DLG1: variants seen among roughly 807,000 people sequenced by gnomAD.
DLG1 encodes discs large MAGUK scaffold protein 1.
In DLG1, 42 loss-of-function variants were observed where a neutral mutation model predicts 123.4. The ratio of observed to expected loss-of-function variants is 0.34; its 90% confidence interval spans 0.27 to 0.44. The LOEUF (loss-of-function observed/expected upper bound fraction) is 0.44. Among genes scored for constraint, DLG1 ranks in the 20% least tolerant of loss-of-function variants. DLG1 has a pLI of 1.00. For missense variants in DLG1, 942 were observed against 1,082.6 expected (o/e 0.87, Z 1.82); for synonymous variants, 317 against 356.2 (o/e 0.89, Z 1.24).
chr3:197,175,599 ACAG>A (rs1421642060), intron 5 of DLG1, among the ~76,000 whole-genome samples: 5 of 152,218 alleles, frequency 3.3e-5, no homozygotes, highest in Non-Finnish European at 7.3e-5. Context: ...CACTTCGTCA[ACAG>A]CAGATTAAAT....
At chr3:197,123,571 A>G (rs1179040748) in intron 11 of DLG1, among the ~76,000 whole-genome samples, 2 of 152,246 alleles carry the variant, frequency 1.3e-5, no homozygotes, top group East Asian at 3.8e-4. Context: ...ATAACTTTAT[A>G]CATATACATA....
At chr3:197,106,949 C>A (rs1766813990) in intron 13 of DLG1, among the ~76,000 whole-genome samples, 1 of 152,082 alleles carries the variant, frequency 6.6e-6, no homozygotes, top group Non-Finnish European at 1.5e-5. Context: ...GTCTGTGCAA[C>A]CATCATTACC....
chr3:197,275,565 AAC>A (rs1282141467), intron 4 of DLG1, among the ~76,000 whole-genome samples: 2 of 152,246 alleles, frequency 1.3e-5, no homozygotes, highest in Non-Finnish European at 2.9e-5. Flanking sequence ...ATTTAGCCAT[AAC>A]ACAGCATGAA....
chr3:197,228,770 T>C (rs1741278821), intron 4 of DLG1, among the ~76,000 whole-genome samples: 2 of 152,174 alleles, frequency 1.3e-5, no homozygotes, highest in African/African-American at 2.4e-5. Context: ...TTCAGCCAAA[T>C]AGTACCTATC....
chr3:197,196,415 T>C (rs910451553), intron 4 of DLG1, among the ~76,000 whole-genome samples: 8 of 152,164 alleles, frequency 5.3e-5, no homozygotes, highest in African/African-American at 1.9e-4. Context: ...CTTTATCCTG[T>C]AATCAAGGCT....
intron 5 of DLG1, among the ~76,000 whole-genome samples, chr3:197,169,924 C>G (rs1803299342): frequency 6.6e-6 from 1 of 152,156 alleles, no homozygotes; most frequent in Admixed American, 6.5e-5. Flanking sequence ...CTCTCCACCC[C>G]TCACACCGGC....
At chr3:197,202,906 T>TCTAACCA (rs1352768532) in intron 4 of DLG1, among the ~76,000 whole-genome samples, 2 of 151,612 alleles carry the variant, frequency 1.3e-5, no homozygotes, top group African/African-American at 4.8e-5. Context: ...AACGATGCAG[T>TCTAACCA]CTAACCACTG....
At chr3:197,214,445 C>T (rs180959405) in intron 4 of DLG1, among the ~76,000 whole-genome samples, 6,293 of 151,842 alleles carry the variant, frequency 0.041, 181 homozygotes, top group Non-Finnish European at 0.054. Context: ...TGGTGGTGGG[C>T]GCCTGTAGTC....
rs969343575 is a variant in DLG1 at position 197,048,030 on chromosome 3, A to G, written c.2576-3301T>C. Among the ~76,000 whole-genome samples, 8 of 152,358 alleles carry G rather than the reference A, an allele frequency of 5.3e-5. No individual in the cohort carries two copies. In the East Asian group the frequency reaches 9.6e-4, roughly 18 times the overall value. On this transcript the variant is annotated intron_variant, in intron 24 of 24. Transcript: ENST00000667157. The stretch of plus-strand genomic sequence containing the variant: ...GGTAAGGGGTTAATATCCAAAATAT[A>G]TAAGAAAATCATTAGCAAAATACCA...
intron 14 of DLG1, among the ~76,000 whole-genome samples, chr3:197,102,731 C>T (rs550190086): frequency 2.5e-4 from 38 of 152,192 alleles, no homozygotes; most frequent in African/African-American, 7.0e-4. Flanking sequence ...AAAAATAAGC[C>T]GGGCGTGGTG....
chr3:197,178,019 C>G (rs1330259996), intron 5 of DLG1, among the ~76,000 whole-genome samples: 1 of 152,048 alleles, frequency 6.6e-6, no homozygotes, highest in Non-Finnish European at 1.5e-5. Context: ...AGTGTGCCAG[C>G]CACTGTCACA....
chr3:197,161,532 T>C (rs1798755971), intron 5 of DLG1: 1 of 630,812 alleles, frequency 1.6e-6, no homozygotes, highest in Non-Finnish European at 2.5e-6. Context: ...AAGCCCAAAG[T>C]AAATTACCAA....
At chr3:197,291,226 C>CTCCT (rs55976838) in intron 3 of DLG1, among the ~76,000 whole-genome samples, 85,022 of 150,882 alleles carry the variant, frequency 0.56, 24,487 homozygotes, top group East Asian at 0.78. Flanking sequence ...TACTAAAATT[C>CTCCT]TCCATTTCAG....
intron 5 of DLG1, among the ~76,000 whole-genome samples, chr3:197,152,658 G>C (rs917668230): frequency 4.6e-5 from 7 of 150,650 alleles, no homozygotes; most frequent in Non-Finnish European, 8.8e-5. Context: ...AGCTACTTGG[G>C]AGGCTGAGGC....
intron 5 of DLG1, among the ~76,000 whole-genome samples, chr3:197,160,484 C>T (rs1319087009): frequency 6.6e-6 from 1 of 151,580 alleles, no homozygotes; most frequent in African/African-American, 2.4e-5. Context: ...TTTATAAATT[C>T]AATTTTTTTC....
chr3:197,138,200 C>T (rs776929965), intron 9 of DLG1, 22 bp downstream of exon 9: 7 of 1,430,912 alleles, frequency 4.9e-6, no homozygotes, highest in Non-Finnish European at 6.6e-6. Context: ...AAAGATTTAT[C>T]TTAGTTTGAC....
chr3:197,110,054 G>A (rs1199911929), intron 13 of DLG1, among the ~76,000 whole-genome samples: 9 of 152,180 alleles, frequency 5.9e-5, no homozygotes, highest in Admixed American at 3.9e-4. Flanking sequence ...GTTTTTGGGC[G>A]AGTATTTATT....
At chr3:197,290,556 C>T (rs1774321816) in intron 3 of DLG1, among the ~76,000 whole-genome samples, 1 of 152,086 alleles carries the variant, frequency 6.6e-6, no homozygotes, top group South Asian at 2.1e-4. Context: ...GAATACAAAA[C>T]CTGAATCTAA....
chr3:197,210,091 G>A (rs1199636573), intron 4 of DLG1, among the ~76,000 whole-genome samples: 1 of 146,318 alleles, frequency 6.8e-6, no homozygotes, highest in East Asian at 2.0e-4. Flanking sequence ...CTTTCAGTGA[G>A]TTCTGTGAGT....
Sources: allele counts gnomAD v4.1 joint callset (sites outside exome capture counted in the v4.1 genomes callset), GRCh38; gene constraint gnomAD v4.1.1; transcripts MANE v1.5; gene names NCBI Gene and HGNC (gene_info 2026-07-23, HGNC 2026-07-21).